Variants in SERPINB8 observed in about 807,000 individuals in gnomAD.
SERPINB8 encodes serpin B8.
A neutral mutation model predicts 35.3 loss-of-function variants in SERPINB8; 25 were observed. The ratio of observed to expected loss-of-function variants is 0.71; its 90% CI spans 0.52 to 0.99. SERPINB8 has a LOEUF of 0.99. Among genes scored for constraint, SERPINB8 ranks in the 50% least tolerant of loss-of-function variants. The pLI, the probability that SERPINB8 is intolerant of heterozygous loss-of-function variation, is 0.00. For missense variants in SERPINB8, 484 were observed against 446.5 expected, an observed-to-expected ratio of 1.08 and a Z score of -0.76; for synonymous variants, 186 against 160.8, an observed-to-expected ratio of 1.16 and a Z score of -1.19.
At chr18:63,972,812 C>T (rs1032253473) in intron 1 of SERPINB8, among the ~76,000 whole-genome samples, 2 of 152,170 alleles carry the variant, frequency 1.3e-5, no homozygotes, top group South Asian at 2.1e-4. Flanking sequence ...CTACAAAGGA[C>T]ATGAACTCAT....
chr18:63,985,531 A>G (rs2050740465), intron 6 of SERPINB8, among the ~76,000 whole-genome samples: 1 of 152,246 alleles, frequency 6.6e-6, no homozygotes. Flanking sequence ...TTGAAAGCCC[A>G]ATGATTATTG....
intron 7 of SERPINB8, among the ~76,000 whole-genome samples, chr18:64,012,557 A>G (rs2050930284): frequency 7.6e-6 from 1 of 131,998 alleles, no homozygotes; most frequent in Non-Finnish European, 1.6e-5. Flanking sequence ...TTCCTTTTTA[A>G]TATCTGTGTA....
At chr18:63,986,269 G>A in intron 6 of SERPINB8, 2 of 1,609,900 alleles carry the variant, frequency 1.2e-6, no homozygotes, top group African/African-American at 1.3e-5. Context: ...AAGAGTGATG[G>A]ATCTTGAAGA....
At chr18:63,979,759 A>G (rs1428430696) in intron 2 of SERPINB8, 42 bp from the exon 3 acceptor site, 3 of 1,612,318 alleles carry the variant, frequency 1.9e-6, no homozygotes, top group East Asian at 4.5e-5. Context: ...TTGGGAGAGT[A>G]TAATGGCAGC....
In SERPINB8 at chr18:63,985,202, G is replaced by A. The variant is rs1048145666; in HGVS notation, c.677G>A (p.Ser226Asn). 6.2e-7 allele frequency: 1 copy of A among 1,614,210 alleles called. No individual in the cohort carries two copies. Among genetic ancestry groups the A allele is most frequent in the Admixed American group, 1.7e-5 (1 of 60,028 alleles). ...LELPYVEEEL[S>N]MVILLPDDNT... Reference sequence around the variant, plus strand: ...CTGCCCTATGTGGAAGAGGAGCTGAGCATGGTCATTCTGCTTCCCGATGAC... The same window carrying A: ...CTGCCCTATGTGGAAGAGGAGCTGAACATGGTCATTCTGCTTCCCGATGAC... The change falls in exon 6 of 7, where the codon AGC becomes AAC. Residue 226 changes from serine (S) to asparagine (N), a missense_variant. Physicochemically the swap from Ser to Asn is conservative, Grantham distance 46. Coordinates refer to ENST00000397985, the MANE Select transcript of SERPINB8 (RefSeq NM_002640.4).
chr18:64,013,162 T>C (rs752683292), intron 7 of SERPINB8, among the ~76,000 whole-genome samples: 1 of 152,134 alleles, frequency 6.6e-6, no homozygotes, highest in Non-Finnish European at 1.5e-5. Context: ...CATGGATCCA[T>C]TGTGGTTCTG....
At chr18:63,975,777 C>G (rs955964863) in intron 1 of SERPINB8, among the ~76,000 whole-genome samples, 2 of 152,010 alleles carry the variant, frequency 1.3e-5, no homozygotes, top group African/African-American at 4.8e-5. Flanking sequence ...TAGGAGGAAG[C>G]GAAATATCTT....
intron 1 of SERPINB8, among the ~76,000 whole-genome samples, chr18:64,000,361 CTT>C (rs149188924): frequency 0.013 from 1,928 of 152,286 alleles, 42 homozygotes; most frequent in African/African-American, 0.044. Context: ...ATAGGGTAGT[CTT>C]TGCTTCTTTC....
Position 63,976,188 on chromosome 18 carries a change from G to C in SERPINB8, c.-10-2111G>C, listed in dbSNP as rs2050579052. On this transcript the variant is annotated intron_variant, in intron 1 of 6. Coordinates refer to ENST00000397985, the MANE Select transcript of SERPINB8 (RefSeq NM_002640.4). ...AGAAAAAATATCTGTAGGATCATGA[G>C]ATTATAGATAATGATTTGTCCTTTT... Among the ~76,000 whole-genome samples the C allele has an allele frequency of 2.0e-5, 3 of 152,280 alleles. No individual in the cohort carries two copies. The South Asian group carries it at 6.2e-4, about 32-fold the overall frequency.
downstream of SERPINB8, among the ~76,000 whole-genome samples, chr18:64,008,468 C>T (rs1025341132): frequency 2.0e-5 from 3 of 151,538 alleles, no homozygotes; most frequent in Admixed American, 6.6e-5. Context: ...AGGCTGGTCT[C>T]GAACTCCTGA....
At chr18:63,983,545 CACAA>C (rs1426671386) in intron 4 of SERPINB8, 30 bp from the exon 5 acceptor site, 1 of 1,604,202 alleles carries the variant, frequency 6.2e-7, no homozygotes, top group Non-Finnish European at 8.5e-7. Flanking sequence ...CTTATTTCCC[CACAA>C]ATTGCAATAA....
chr18:63,973,066 A>G (rs547746112), intron 1 of SERPINB8, among the ~76,000 whole-genome samples: 19 of 152,344 alleles, frequency 1.2e-4, no homozygotes, highest in Admixed American at 9.1e-4. Flanking sequence ...GAATCGCCAC[A>G]CTGTCTTCCA....
downstream of SERPINB8, among the ~76,000 whole-genome samples, chr18:63,991,754 G>A (rs150189505): frequency 6.2e-3 from 942 of 152,208 alleles, 4 homozygotes; most frequent in South Asian, 0.012. Flanking sequence ...GATCTTAGGG[G>A]AAAGCACGAA....
chr18:63,981,959 G>GT, intron 4 of SERPINB8, 121 bp downstream of exon 4: 1 of 654,714 alleles, frequency 1.5e-6, no homozygotes, highest in Non-Finnish European at 2.7e-6. Flanking sequence ...GTTTGTATGT[G>GT]TTTGCTGAGT....
downstream of SERPINB8, among the ~76,000 whole-genome samples, chr18:63,991,159 G>A (rs1264568033): frequency 1.3e-5 from 2 of 152,172 alleles, no homozygotes; most frequent in Admixed American, 6.5e-5. Flanking sequence ...AGTGACATAA[G>A]TTTTCCAACT....
chr18:63,973,964 A>T (rs1248303865), intron 1 of SERPINB8, among the ~76,000 whole-genome samples: 3 of 152,186 alleles, frequency 2.0e-5, no homozygotes, highest in Admixed American at 2.0e-4. Flanking sequence ...TGTCTTGGCA[A>T]TGTGGGCTCT....
In SERPINB8 at chr18:63,985,243, GTGGTAAGCTCCAGGCAA is replaced by G. The variant is rs1349724255; in HGVS notation, c.720+1_720+17del. Reference sequence around the variant, plus strand: ...TCCCGATGACAACACGGACCTCGCCGTGGTAAGCTCCAGGCAATGAGCCTGAGTATCTGTGGAGTCCA... The same window carrying G: ...TCCCGATGACAACACGGACCTCGCCGTGAGCCTGAGTATCTGTGGAGTCCA... On this transcript the variant is annotated splice_donor_variant and splice_donor_5th_base_variant and coding_sequence_variant and intron_variant, in exon 6 of 7. Transcript: ENST00000397985. LOFTEE classifies it high-confidence loss of function. 4.3e-6 allele frequency: 7 copies of G among 1,613,922 alleles called. No individual in the cohort carries two copies. The highest frequency in any genetic ancestry group is 5.9e-6 in the Non-Finnish European group (7 of 1,179,976).
chr18:63,987,603 A>C lies in SERPINB8; in HGVS notation c.*325A>C. On this transcript the variant is annotated 3_prime_UTR_variant, in exon 7 of 7. Coordinates refer to ENST00000397985, the MANE Select transcript of SERPINB8 (RefSeq NM_002640.4). ...GGGCTTCAGGAGCCAGCCCTCTTCC[A>C]TCCGCCCGGCTCTGCCCACCACCAC... 6.1e-6 allele frequency: 1 copy of C among 163,506 alleles called. No individual in the cohort carries two copies. Among genetic ancestry groups the C allele is most frequent in the Non-Finnish European group, 1.1e-5 (1 of 88,942 alleles). 10.1% of individuals were successfully genotyped at this position (163,506 alleles called of 1,614,324 possible). A position where few individuals can be genotyped will look rare whatever the true frequency, so the allele number is the denominator to read the frequency against.
intron 1 of SERPINB8, among the ~76,000 whole-genome samples, chr18:63,972,450 C>A (rs2050499938): frequency 6.6e-6 from 1 of 152,114 alleles, no homozygotes; most frequent in South Asian, 2.1e-4. Context: ...ATACTACAAT[C>A]CATTTATCCA....
Sources: allele counts gnomAD v4.1 joint callset (sites outside exome capture counted in the v4.1 genomes callset), GRCh38; gene constraint gnomAD v4.1.1; transcripts MANE v1.5; gene names NCBI Gene and HGNC (gene_info 2026-07-23, HGNC 2026-07-21).